STK11: variants seen among roughly 807,000 people sequenced by gnomAD.
The protein encoded by STK11 is serine/threonine-protein kinase STK11.
In STK11, 8 loss-of-function variants were observed where a neutral mutation model predicts 47.3. The ratio of observed to expected loss-of-function variants is 0.17; its 90% CI spans 0.10 to 0.31. The LOEUF (loss-of-function observed/expected upper bound fraction) is 0.31. STK11 is among the 10% of genes least tolerant of loss of function. The pLI is 1.00. For synonymous variants in STK11, 330 were observed against 255.8 expected, an observed-to-expected ratio of 1.29 and a Z score of -2.77; for missense variants, 475 against 605.0, an observed-to-expected ratio of 0.79 and a Z score of 2.25.
chr19:1,214,957 C>A (rs993063413), intron 1 of STK11, among the ~76,000 whole-genome samples: 2 of 152,190 alleles, frequency 1.3e-5, no homozygotes, highest in Non-Finnish European at 2.9e-5. Context: ...GAAAACAGCA[C>A]CTTCCCCGCC....
At chr19:1,219,837 G>A (rs1287561298) in intron 3 of STK11, among the ~76,000 whole-genome samples, 1 of 152,200 alleles carries the variant, frequency 6.6e-6, no homozygotes, top group Non-Finnish European at 1.5e-5. Context: ...GAGCTACCAC[G>A]CCCGGCCTTG....
rs778468876 is a variant in STK11 at position 1,206,997 on chromosome 19, C to T, written c.84C>T (p.Arg28=). The T allele has an allele frequency of 1.6e-5, 26 of 1,613,264 alleles. No homozygotes were observed. The South Asian group carries it at 2.7e-4, about 17-fold the overall frequency. ...MSVGMDTFIH[R]IDSTEVIYQP... is the part of the protein sequence containing the mutation. The stretch of plus-strand genomic sequence containing the variant: ...TGGGTATGGACACGTTCATCCACCG[C>T]ATCGACTCCACCGAGGTCATCTACC... The change falls in exon 1 of 10, where the codon CGC becomes CGT. Residue 28 remains arginine (R), a synonymous_variant. Transcript: ENST00000326873.
chr19:1,222,531 CGGCTCTGGGA>C (rs1275930157), intron 7 of STK11, among the ~76,000 whole-genome samples: 1 of 152,152 alleles, frequency 6.6e-6, no homozygotes, highest in Non-Finnish European at 1.5e-5. Context: ...CCACTGAGAC[CGGCTCTGGGA>C]GTGGGAGTGT....
intron 8 of STK11, chr19:1,223,834 C>G: frequency 4.9e-6 from 5 of 1,028,384 alleles, no homozygotes; most frequent in African/African-American, 1.7e-5. Flanking sequence ...TGGCTGTGTT[C>G]GGCCCAGGGC....
At chr19:1,226,792 C>A in intron 9 of STK11, 129 bp downstream of exon 9, 1 of 1,186,072 alleles carries the variant, frequency 8.4e-7, no homozygotes, top group Non-Finnish European at 1.1e-6. Context: ...GCCATGTGGC[C>A]TTTGGGTGGC....
intron 8 of STK11, chr19:1,224,176 A>G: frequency 1.0e-6 from 1 of 985,178 alleles, no homozygotes; most frequent in South Asian, 4.7e-5. Flanking sequence ...CCGAGAGCAC[A>G]GTGTATGGGG....
intron 8 of STK11, 95 bp downstream of exon 8, chr19:1,223,267 C>A: frequency 7.0e-7 from 1 of 1,431,962 alleles, no homozygotes; most frequent in Middle Eastern, 2.0e-4. Flanking sequence ...AGGACAGCTT[C>A]TGCCCTCTGG....
chr19:1,226,067 C>T (rs190605889), intron 8 of STK11: 119 of 1,050,886 alleles, frequency 1.1e-4, no homozygotes, highest in Non-Finnish European at 1.2e-4. Context: ...GAGCATGTGG[C>T]GGCTCCTGGG....
rs1047977541 is a variant in STK11, at chr19:1,227,652, C to T, written c.*76C>T. On this transcript the variant is annotated 3_prime_UTR_variant, in exon 10 of 10. Transcript: ENST00000326873. ...AGGCCCTCAGTCTTCCTGCCGGTTC[C>T]GCCCGCCCTCCCGGAGAGGTGGCCG... 9 of 1,067,860 alleles carry T rather than the reference C, an allele frequency of 8.4e-6. No individual in the cohort carries two copies. Among genetic ancestry groups the T allele is most frequent in the East Asian group, 9.8e-5 (2 of 20,410 alleles). 66.1% of individuals were successfully genotyped at this position (1,067,860 alleles called of 1,614,324 possible).
chr19:1,226,592 A>G lies in STK11; in HGVS notation c.1247A>G (p.Lys416Arg), dbSNP rs1446554442. 14 of 1,569,794 alleles carry G rather than the reference A, an allele frequency of 8.9e-6. No individual in the cohort carries two copies. The highest frequency in any genetic ancestry group is 2.7e-5 in the African/African-American group (2 of 73,568). The change falls in exon 9 of 10, where the codon AAG becomes AGG. Residue 416 changes from lysine (K) to arginine (R), a missense_variant. Physicochemically the swap from Lys to Arg is conservative, Grantham distance 26 (BLOSUM62 2). This residue lies in a region of STK11 where 219 missense variants were observed against 189.2 expected (regional missense o/e 1.16). Transcript: ENST00000326873. ...GGCCGGGCCCCCAACCCTGCCCGCA[A>G]GGCCTGCTCCGCCAGCAGCAAGATC... Reference protein sequence around the residue: ...AEGRAPNPARKACSASSKIRR... With the variant: ...AEGRAPNPARRACSASSKIRR...
In STK11 at chr19:1,228,046, ATTTTCTTT is replaced by A. The variant is rs1051208491; in HGVS notation, c.*483_*490del. On this transcript the variant is annotated 3_prime_UTR_variant, in exon 10 of 10. Coordinates refer to ENST00000326873, the MANE Select transcript of STK11 (RefSeq NM_000455.5). ...TTTGGTTTTTTGTTTGGTTGGTTCC[ATTTTCTTT>A]TTTTCTTTTTTTTTTTAAGAAAAAA... 7.7e-5 allele frequency: 82 copies of A among 1,061,252 alleles called. No homozygotes were observed. Among genetic ancestry groups the A allele is most frequent in the South Asian group, 1.4e-4 (3 of 21,856 alleles). The allele number at this position is 1,061,252 out of a possible 1,614,324, so 65.7% of individuals were successfully genotyped here. A position where few individuals can be genotyped will look rare whatever the true frequency, so the allele number is the denominator to read the frequency against.
intron 8 of STK11, chr19:1,226,060 C>G (rs1034880247): frequency 1.1e-5 from 12 of 1,047,766 alleles, no homozygotes; most frequent in Non-Finnish European, 1.4e-5. Context: ...CACAGATGAG[C>G]ATGTGGCGGC....
chr19:1,217,511 G>T (rs2080752250), intron 1 of STK11, among the ~76,000 whole-genome samples: 1 of 152,188 alleles, frequency 6.6e-6, no homozygotes, highest in South Asian at 2.1e-4. Context: ...CTGCAGAGGG[G>T]GCTGTGCTCT....
At chr19:1,226,986 C>T (rs908904385) in intron 9 of STK11, 39 of 343,250 alleles carry the variant, frequency 1.1e-4, no homozygotes, top group East Asian at 4.4e-4. Flanking sequence ...CCCATGCCCG[C>T]GCCGCTTCCA....
chr19:1,221,394 GA>G, intron 6 of STK11, 54 bp downstream of exon 6: 4 of 1,534,870 alleles, frequency 2.6e-6, no homozygotes, highest in Non-Finnish European at 3.5e-6. Context: ...CTTTTGTGCA[GA>G]AATGTAGGGT....
intron 2 of STK11, 146 bp downstream of exon 2, chr19:1,218,646 T>C (rs1362757524): frequency 1.3e-6 from 1 of 750,002 alleles, no homozygotes; most frequent in African/African-American, 1.7e-5. Flanking sequence ...TCCCCGGAAG[T>C]CAGCCATTGT....
rs1428233381 is a variant in STK11, at chr19:1,228,115, T to C, written c.*539T>C. The C allele has an allele frequency of 1.0e-5, 11 of 1,062,326 alleles. No individual in the cohort carries two copies. The highest frequency in any genetic ancestry group is 9.1e-6 in the Non-Finnish European group (8 of 877,492). The allele number at this position is 1,062,326 out of a possible 1,614,324, so 65.8% of individuals were successfully genotyped here. The stretch of plus-strand genomic sequence containing the variant: ...ATTTGAGCTGTGGCTGTGAGGGGTG[T>C]TTGGGAGCTGCTGGGTGGCAGGGGG... On this transcript the variant is annotated 3_prime_UTR_variant, in exon 10 of 10. Coordinates refer to ENST00000326873, the MANE Select transcript of STK11 (RefSeq NM_000455.5).
rs565029540 is a variant in STK11, at chr19:1,222,927, A to G, written c.921-58A>G. The G allele has an allele frequency of 9.2e-4, 1,371 of 1,485,704 alleles. 13 individuals are homozygous for G. The African/African-American group carries it at 0.016, about 18-fold the overall frequency. 92.0% of individuals were successfully genotyped at this position (1,485,704 alleles called of 1,614,324 possible). A position where few individuals can be genotyped will look rare whatever the true frequency, so the allele number is the denominator to read the frequency against. On this transcript the variant is annotated intron_variant, in intron 7 of 9. Coordinates refer to ENST00000326873, the MANE Select transcript of STK11 (RefSeq NM_000455.5). The stretch of plus-strand genomic sequence containing the variant: ...CCTGGGCCCAGAGGAGCTGGGTCGG[A>G]AAACTGGACCGCCCTGGTGCCAGCC...
rs369097329 is a variant in STK11, at chr19:1,226,629, G to T, written c.1284G>T (p.Ser428=). 1 of 1,542,458 alleles carries T rather than the reference G, an allele frequency of 6.5e-7. No individual in the cohort carries two copies. Among genetic ancestry groups the T allele is most frequent in the South Asian group, 1.2e-5 (1 of 83,886 alleles). Reference sequence around the variant, plus strand: ...CCAGCAGCAAGATCCGCCGGCTGTCGGCCTGCAAGCAGCAGTGAGGCTGGC... The same window carrying T: ...CCAGCAGCAAGATCCGCCGGCTGTCTGCCTGCAAGCAGCAGTGAGGCTGGC... ...CSASSKIRRL[S]ACKQQ is the part of the protein sequence containing the mutation. Residue 428 remains serine, a synonymous_variant, in exon 9 of 10, where the codon TCG becomes TCT. Transcript: ENST00000326873.
Sources: allele counts gnomAD v4.1 joint callset (sites outside exome capture counted in the v4.1 genomes callset), GRCh38; gene constraint gnomAD v4.1.1; regional missense constraint gnomAD v4.1.1; transcripts MANE v1.5; gene names NCBI Gene and HGNC (gene_info 2026-07-23, HGNC 2026-07-21).